Variants in DMD observed in about 807,000 individuals in gnomAD.
The protein encoded by DMD is dystrophin.
DMD carries 63 observed loss-of-function variants against 330.1 expected under a neutral mutation model. The observed-to-expected ratio is 0.19, with a 90% CI of 0.16 to 0.24. DMD has a LOEUF of 0.24. Ranked by LOEUF, DMD falls within the 10% of genes least tolerant of loss-of-function variation. The pLI is 1.00. For missense variants in DMD, 3,344 were observed against 2,684.1 expected, an observed-to-expected ratio of 1.25 and a Z score of -5.43; for synonymous variants, 1,223 against 959.8, an observed-to-expected ratio of 1.27 and a Z score of -5.07.
intron 41 of DMD, among the ~76,000 whole-genome samples, chrX:32,328,982 C>A (rs1231685116): frequency 1.8e-5 from 2 of 111,245 alleles, no homozygotes; most frequent in African/African-American, 3.3e-5. Context: ...TACAGAACAA[C>A]CAACTCTGAA....
chrX:32,804,573 G>A (rs2076817414), intron 7 of DMD, among the ~76,000 whole-genome samples: 1 of 112,588 alleles, frequency 8.9e-6, no homozygotes, highest in Non-Finnish European at 1.9e-5. Flanking sequence ...GTTCTTGCCT[G>A]CCGGCTCTGA....
At chrX:31,708,339 GT>G (rs1291606094) in intron 52 of DMD, among the ~76,000 whole-genome samples, 1 of 111,336 alleles carries the variant, frequency 9.0e-6, no homozygotes, top group Admixed American at 9.6e-5. Context: ...AGTCACAATG[GT>G]TTATTACCCT....
chrX:32,343,378 A>T, intron 39 of DMD, 92 bp from the exon 40 acceptor site: 4 of 826,321 alleles, frequency 4.8e-6, no homozygotes, highest in Non-Finnish European at 1.8e-6. Flanking sequence ...TGCGTCCCTC[A>T]TCTTTTTGTA....
At chrX:32,072,497 T>C (rs1286340843) in intron 44 of DMD, among the ~76,000 whole-genome samples, 4 of 111,705 alleles carry the variant, frequency 3.6e-5, no homozygotes, top group Non-Finnish European at 7.5e-5. Context: ...GTGTTCTTTC[T>C]TGACTAACGA....
Position 32,518,054 on chromosome X carries a change from A to G in DMD, c.2246T>C (p.Ile749Thr). The G allele has an allele frequency of 8.3e-7, 1 of 1,210,318 alleles. No individual in the cohort carries two copies. Among genetic ancestry groups the G allele is most frequent in the Non-Finnish European group, 1.1e-6 (1 of 894,096 alleles). The change falls in exon 18 of 79, where the codon ATC becomes ACC. Residue 749 changes from isoleucine to threonine, a missense_variant. Coordinates refer to ENST00000357033, the MANE Select transcript of DMD (RefSeq NM_004006.3). ...TGAGAAGTTGCCTTCCTTCCGAAAGATTGCAAATTCAGGACTCTGCAACAC... is the reference window on the plus strand; with the variant it reads ...TGAGAAGTTGCCTTCCTTCCGAAAGGTTGCAAATTCAGGACTCTGCAACAC... Reference protein sequence around the residue: ...EAVLQSPEFAIFRKEGNFSDL... With the variant: ...EAVLQSPEFATFRKEGNFSDL...
intron 44 of DMD, among the ~76,000 whole-genome samples, chrX:32,146,140 T>C (rs1418405641): frequency 8.9e-6 from 1 of 112,448 alleles, no homozygotes; most frequent in Non-Finnish European, 1.9e-5. Flanking sequence ...CTCTTTCATA[T>C]GTGCAGAGAC....
intron 9 of DMD, among the ~76,000 whole-genome samples, chrX:32,675,230 C>T (rs967021172): frequency 9.0e-6 from 1 of 111,192 alleles, no homozygotes; most frequent in Admixed American, 9.6e-5. Flanking sequence ...AACTAGGATG[C>T]CAAATGGGAA....
intron 44 of DMD, among the ~76,000 whole-genome samples, chrX:32,003,514 T>C (rs1477105418): frequency 9.0e-6 from 1 of 111,462 alleles, no homozygotes; most frequent in Non-Finnish European, 1.9e-5. Flanking sequence ...TTATAATAAG[T>C]GGGTGGTAAA....
At chrX:31,949,782 T>C (rs1176833427) in intron 45 of DMD, among the ~76,000 whole-genome samples, 1 of 111,519 alleles carries the variant, frequency 9.0e-6, no homozygotes, top group African/African-American at 3.2e-5. Flanking sequence ...ATTTAATATG[T>C]TTTGCAGAAA....
chrX:31,400,807 C>A (rs753248742), intron 60 of DMD, among the ~76,000 whole-genome samples: 17 of 111,968 alleles, frequency 1.5e-4, no homozygotes, highest in South Asian at 7.5e-4. Context: ...TGAAAACAAT[C>A]AAAAACCCAA....
intron 59 of DMD, among the ~76,000 whole-genome samples, chrX:31,445,319 C>G (rs1485781327): frequency 9.0e-6 from 1 of 111,367 alleles, no homozygotes; most frequent in East Asian, 2.8e-4. Flanking sequence ...GTTTTCAAAA[C>G]AAACAAACCT....
chrX:33,170,779 T>C (rs1037366975), intron 1 of DMD, among the ~76,000 whole-genome samples: 1 of 111,668 alleles, frequency 9.0e-6, no homozygotes, highest in East Asian at 2.8e-4. Context: ...TTCACAGAAG[T>C]AGACAATATG....
Position 32,359,500 on chromosome X carries a change from T to C in DMD, c.5325+3288A>G, listed in dbSNP as rs184676217. On this transcript the variant is annotated intron_variant, in intron 37 of 78. Coordinates refer to ENST00000357033, the MANE Select transcript of DMD (RefSeq NM_004006.3). Reference sequence around the variant, plus strand: ...TGAAACTTAGACATAGACTCAACCATAGAAAAGCCATATTCTAACCTAATA... The same window carrying C: ...TGAAACTTAGACATAGACTCAACCACAGAAAAGCCATATTCTAACCTAATA... 4.5e-5 allele frequency among the ~76,000 whole-genome samples: 5 copies of C among 111,354 alleles called. No individual in the cohort carries two copies. The East Asian group carries it at 8.4e-4, about 19-fold the overall frequency.
chrX:32,721,832 A>C (rs185571166), intron 7 of DMD, among the ~76,000 whole-genome samples: 4 of 109,844 alleles, frequency 3.6e-5, no homozygotes, highest in African/African-American at 1.3e-4. Flanking sequence ...TCTTATATTT[A>C]AGTCTTTAGT....
chrX:32,545,058 G>A (rs1603635946), intron 17 of DMD, 101 bp downstream of exon 17: 1 of 832,761 alleles, frequency 1.2e-6, no homozygotes, highest in African/African-American at 2.0e-5. Context: ...AGGTACCCGA[G>A]GATTCTGGAA....
At chrX:31,511,312 T>A (rs966570373) in intron 55 of DMD, among the ~76,000 whole-genome samples, 6 of 100,099 alleles carry the variant, frequency 6.0e-5, no homozygotes, top group African/African-American at 1.9e-4. Flanking sequence ...ACTCATCATT[T>A]TTTATTTATT....
intron 1 of DMD, among the ~76,000 whole-genome samples, chrX:33,112,586 T>C (rs2095348085): frequency 9.0e-6 from 1 of 111,463 alleles, no homozygotes. Flanking sequence ...TGTACCGTCC[T>C]ATCCCCCTTT....
intron 44 of DMD, among the ~76,000 whole-genome samples, chrX:32,021,719 A>G (rs1402279029): frequency 8.9e-6 from 1 of 112,295 alleles, no homozygotes; most frequent in African/African-American, 3.2e-5. Context: ...TATTGATTAC[A>G]TATTTAAATA....
chrX:33,152,844 A>G (rs2148633935), intron 1 of DMD, among the ~76,000 whole-genome samples: 1 of 112,005 alleles, frequency 8.9e-6, no homozygotes, highest in African/African-American at 3.2e-5. Context: ...TCCAATAGAC[A>G]GTCACTTAAA....
Sources: allele counts gnomAD v4.1 joint callset (sites outside exome capture counted in the v4.1 genomes callset), GRCh38; gene constraint gnomAD v4.1.1; transcripts MANE v1.5; gene names NCBI Gene and HGNC (gene_info 2026-07-23, HGNC 2026-07-21).